The following CRYBG1 variants were observed in gnomAD, a reference collection of about 807,000 sequenced individuals.
The protein encoded by CRYBG1 is crystallin beta-gamma domain containing 1, also known as beta/gamma crystallin domain-containing protein 1.
Under a neutral mutation model 189.2 loss-of-function variants are expected in CRYBG1, and 139 were observed. The ratio of observed to expected loss-of-function variants is 0.73; its 90% CI spans 0.64 to 0.85. The LOEUF is 0.85. Ranked by LOEUF, CRYBG1 falls within the 40% of genes least tolerant of loss-of-function variation. The probability of loss-of-function intolerance (pLI) is 0.00; values close to 1 mark genes in which losing one functional copy is unlikely to be tolerated. For synonymous variants in CRYBG1, 1,023 were observed against 1,017.1 expected (o/e 1.01, Z -0.11); for missense variants, 2,611 against 2,675.8 (o/e 0.98, Z 0.53).
intron 13 of CRYBG1, among the ~76,000 whole-genome samples, chr6:106,551,459 A>G (rs560455207): frequency 3.3e-5 from 5 of 152,224 alleles, no homozygotes; most frequent in Non-Finnish European, 5.9e-5. Context: ...GATATTGTGA[A>G]TAGTGTGGCA....
At position 106,373,439 on chromosome 6, in the gene CRYBG1, T is replaced by G. The variant is rs148336795; in HGVS notation, c.173+12358T>G. 9.0e-4 allele frequency among the ~76,000 whole-genome samples: 137 copies of G among 152,262 alleles called. 1 individual carries two copies. The highest frequency in any genetic ancestry group is 3.2e-3 in the African/African-American group (134 of 41,546). On this transcript the variant is annotated intron_variant, in intron 1 of 21. Transcript: ENST00000633556. ...CACAGCCCCAAAAGAGGAAAGAAAA[T>G]GCTGGTGACCCAAACTTCAAATTTG...
At chr6:106,435,879 A>G (rs1321161422) in intron 1 of CRYBG1, among the ~76,000 whole-genome samples, 1 of 152,156 alleles carries the variant, frequency 6.6e-6, no homozygotes, top group Non-Finnish European at 1.5e-5. Flanking sequence ...TGCAAATTTT[A>G]AAAACAAATC....
intron 2 of CRYBG1, among the ~76,000 whole-genome samples, chr6:106,505,285 G>A (rs578082728): frequency 9.9e-5 from 15 of 152,110 alleles, no homozygotes; most frequent in African/African-American, 2.7e-4. Flanking sequence ...TAGTAGAGAC[G>A]GGGTTTCATC....
intron 3 of CRYBG1, among the ~76,000 whole-genome samples, chr6:106,513,791 T>C (rs1773355012): frequency 6.6e-6 from 1 of 152,228 alleles, no homozygotes; most frequent in South Asian, 2.1e-4. Context: ...TTTCAAAAAG[T>C]CCCTAATTTA....
At chr6:106,435,518 G>A (rs1334505625) in intron 1 of CRYBG1, among the ~76,000 whole-genome samples, 1 of 152,156 alleles carries the variant, frequency 6.6e-6, no homozygotes, top group Non-Finnish European at 1.5e-5. Flanking sequence ...TATCTGACAA[G>A]TGTCAAAACA....
At chr6:106,454,116 T>C (rs187411658) in intron 2 of CRYBG1, among the ~76,000 whole-genome samples, 1 of 152,182 alleles carries the variant, frequency 6.6e-6, no homozygotes, top group Non-Finnish European at 1.5e-5. Context: ...ACCATCTGCC[T>C]GTTGTCTCCC....
At chr6:106,447,866 T>C (rs1406637016) in intron 1 of CRYBG1, among the ~76,000 whole-genome samples, 1 of 152,122 alleles carries the variant, frequency 6.6e-6, no homozygotes, top group Non-Finnish European at 1.5e-5. Context: ...TCATGGAAGA[T>C]CTAGAAAATG....
chr6:106,467,274 G>A lies in CRYBG1; in HGVS notation c.312+15442G>A, dbSNP rs950367423. 9.9e-5 allele frequency among the ~76,000 whole-genome samples: 15 copies of A among 152,158 alleles called. No homozygotes were observed. The South Asian group carries it at 1.2e-3, about 13-fold the overall frequency. ...ACTCAGGAATTCGAGACCAGCATGA[G>A]CAACATGCTGATTTTGGAGAGATCT... On this transcript the variant is annotated intron_variant, in intron 2 of 21. Coordinates refer to ENST00000633556, the MANE Select transcript of CRYBG1 (RefSeq NM_001371242.2).
chr6:106,475,875 C>A (rs1772324215), intron 2 of CRYBG1, among the ~76,000 whole-genome samples: 1 of 152,304 alleles, frequency 6.6e-6, no homozygotes, highest in Non-Finnish European at 1.5e-5. Flanking sequence ...TAAAGAGATA[C>A]ACGTTTCCTC....
At chr6:106,544,981 G>C in intron 13 of CRYBG1, 48 bp downstream of exon 13, 1 of 1,537,384 alleles carries the variant, frequency 6.5e-7, no homozygotes, top group African/African-American at 1.4e-5. Context: ...TTTTACCTTG[G>C]TTTGTTTTAA....
Position 106,520,821 on chromosome 6 carries a change from A to G in CRYBG1, c.3613A>G (p.Thr1205Ala). Residue 1205 changes from threonine (T) to alanine (A), a missense_variant, in exon 4 of 22, where the codon ACC (threonine) becomes GCC (alanine). Transcript: ENST00000633556. ...EQSVLFKSLH[T>A]NTNGNSEPLV... Reference sequence around the variant, plus strand: ...GAGCGTCCTCTTCAAGTCCCTGCACACCAACACTAATGGGAACAGTGAGCC... The same window carrying G: ...GAGCGTCCTCTTCAAGTCCCTGCACGCCAACACTAATGGGAACAGTGAGCC... 1 of 1,614,204 alleles carries G rather than the reference A, an allele frequency of 6.2e-7. No individual in the cohort carries two copies. The highest frequency in any genetic ancestry group is 8.5e-7 in the Non-Finnish European group (1 of 1,180,034).
At position 106,511,715 on chromosome 6, in the gene CRYBG1, A is replaced by T. The variant is rs2114522867; in HGVS notation, c.598A>T (p.Ser200Cys). Residue 200 changes from serine (S) to cysteine (C), a missense_variant, in exon 3 of 22, where the codon AGC becomes TGC. Around this residue, in one of 3 missense-constraint regions of CRYBG1, gnomAD observed 985 missense variants for 924.4 expected, o/e 1.07. Coordinates refer to ENST00000633556, the MANE Select transcript of CRYBG1 (RefSeq NM_001371242.2). ...AGAGGCAGAGGGCGAGCTCCCCGAG[A>T]GCGGTGGCCCCGCAGCCCCCCCTGA... is the stretch of plus-strand genomic sequence containing the variant. Reference protein sequence around the residue: ...PREAEGELPESGGPAAPPDAE... With the variant: ...PREAEGELPECGGPAAPPDAE... 1 of 1,535,076 alleles carries T rather than the reference A, an allele frequency of 6.5e-7. No individual in the cohort carries two copies. Among genetic ancestry groups the T allele is most frequent in the East Asian group, 2.4e-5 (1 of 40,852 alleles).
intron 8 of CRYBG1, 70 bp downstream of exon 8, chr6:106,530,385 T>G: frequency 7.1e-7 from 1 of 1,412,908 alleles, no homozygotes; most frequent in Non-Finnish European, 9.6e-7. Flanking sequence ...AAAAGAGGAC[T>G]TAAGATACTC....
At chr6:106,469,884 A>G (rs376032647) in intron 2 of CRYBG1, among the ~76,000 whole-genome samples, 1 of 152,210 alleles carries the variant, frequency 6.6e-6, no homozygotes, top group Non-Finnish European at 1.5e-5. Context: ...GCCCATGAAG[A>G]CTCAGTGTGA....
chr6:106,504,324 A>T (rs1299005825), intron 2 of CRYBG1, among the ~76,000 whole-genome samples: 1 of 152,196 alleles, frequency 6.6e-6, no homozygotes, highest in Non-Finnish European at 1.5e-5. Flanking sequence ...CAAATGTCAC[A>T]GTTTCATATA....
intron 1 of CRYBG1, among the ~76,000 whole-genome samples, chr6:106,447,815 A>G (rs562255947): frequency 6.6e-6 from 1 of 152,224 alleles, no homozygotes; most frequent in Admixed American, 6.5e-5. Flanking sequence ...GAGGGCAGGG[A>G]GTGGAATTGT....
At position 106,511,809 on chromosome 6, in the gene CRYBG1, A is replaced by G. The variant is rs764431402; in HGVS notation, c.692A>G (p.Asp231Gly). The change falls in exon 3 of 22, where the codon GAT (aspartate) becomes GGT (glycine). Residue 231 changes from aspartate (D) to glycine (G), a missense_variant. Asp to Gly is a moderately conservative substitution (Grantham distance 94). Coordinates refer to ENST00000633556, the MANE Select transcript of CRYBG1 (RefSeq NM_001371242.2). ...AVAVQQCHEN[D>G]SPQLEPLEAE... ...GCTGTGCAGCAGTGCCATGAAAATG[A>G]TTCACCCCAATTAGAACCTCTGGAG... 2.6e-5 allele frequency: 39 copies of G among 1,524,890 alleles called. No individual in the cohort carries two copies. The Middle Eastern group carries it at 2.0e-3, about 79-fold the overall frequency. 94.5% of individuals were successfully genotyped at this position (1,524,890 alleles called of 1,614,324 possible).
chr6:106,518,000 T>C (rs929696469), intron 3 of CRYBG1, among the ~76,000 whole-genome samples: 1 of 152,156 alleles, frequency 6.6e-6, no homozygotes, highest in Non-Finnish European at 1.5e-5. Flanking sequence ...GATAAGTAAA[T>C]GACGGTACAT....
At chr6:106,546,428 T>C (rs1187146394) in intron 13 of CRYBG1, among the ~76,000 whole-genome samples, 1 of 152,248 alleles carries the variant, frequency 6.6e-6, no homozygotes, top group Non-Finnish European at 1.5e-5. Context: ...CATCCTAGCC[T>C]CAACCCCATT....
Sources: gnomAD v4.1 joint callset for allele counts (sites outside exome capture counted in the v4.1 genomes callset) on GRCh38, gnomAD v4.1.1 for gene constraint, gnomAD v4.1.1 regional missense constraint, MANE v1.5 for transcripts, NCBI Gene and HGNC (gene_info 2026-07-23, HGNC 2026-07-21) for gene names.